Variants in CYP19A1 observed in about 807,000 individuals in gnomAD.
The protein encoded by CYP19A1 is cytochrome P450 family 19 subfamily A member 1, also known as aromatase.
A neutral mutation model predicts 44.4 loss-of-function variants in CYP19A1; 32 were observed. That is an observed-to-expected ratio of 0.72 (90% confidence interval 0.54 to 0.97). The LOEUF is 0.97. CYP19A1 is among the 50% of genes least tolerant of loss of function. The pLI is 0.00. For missense variants in CYP19A1, 598 were observed against 637.8 expected (o/e 0.94, Z 0.67); for synonymous variants, 212 against 215.6 (o/e 0.98, Z 0.14).
chr15:51,258,914 T>C (rs927289592), intron 1 of CYP19A1, among the ~76,000 whole-genome samples: 1 of 152,194 alleles, frequency 6.6e-6, no homozygotes, highest in African/African-American at 2.4e-5. Flanking sequence ...CCAAAGTGAA[T>C]GCCACTAATG....
chr15:51,278,431 C>T (rs867574923), intron 1 of CYP19A1, among the ~76,000 whole-genome samples: 3 of 152,238 alleles, frequency 2.0e-5, no homozygotes, highest in East Asian at 1.9e-4. Context: ...TTTGGCTCCT[C>T]GTAGGGGGTC....
chr15:51,303,156 T>C (rs1273260350), intron 1 of CYP19A1, among the ~76,000 whole-genome samples: 1 of 152,186 alleles, frequency 6.6e-6, no homozygotes, highest in African/African-American at 2.4e-5. Flanking sequence ...CAGGAGCCTT[T>C]GCACTAAATA....
rs2030823324 is a variant in CYP19A1, at chr15:51,210,460, G to T, written c.*348C>A. ...GACATAAAAATCCCCTTGGGTTGAG[G>T]CAGTAGAGCTCTACTGGGGAACCAG... On this transcript the variant is annotated 3_prime_UTR_variant, in exon 10 of 10. Coordinates refer to ENST00000396402, the MANE Select transcript of CYP19A1 (RefSeq NM_000103.4). 1 of 528,038 alleles carries T rather than the reference G, an allele frequency of 1.9e-6. No homozygotes were observed. The highest frequency in any genetic ancestry group is 3.7e-6 in the Non-Finnish European group (1 of 272,838). The allele number at this position is 528,038 out of a possible 1,614,324, so 32.7% of individuals were successfully genotyped here. A position where few individuals can be genotyped will look rare whatever the true frequency, so the allele number is the denominator to read the frequency against.
At chr15:51,231,130 C>T (rs1189551243) in intron 3 of CYP19A1, among the ~76,000 whole-genome samples, 1 of 152,188 alleles carries the variant, frequency 6.6e-6, no homozygotes, top group African/African-American at 2.4e-5. Flanking sequence ...GTGGGACAAC[C>T]TGTTACTCAT....
chr15:51,235,030 G>C (rs2141100792), intron 3 of CYP19A1, among the ~76,000 whole-genome samples: 1 of 152,292 alleles, frequency 6.6e-6, no homozygotes, highest in South Asian at 2.1e-4. Context: ...GCAGGTGGCT[G>C]TGCGGGGAAA....
intron 1 of CYP19A1, among the ~76,000 whole-genome samples, chr15:51,275,100 G>T (rs2035259556): frequency 1.3e-5 from 2 of 152,214 alleles, no homozygotes; most frequent in African/African-American, 4.8e-5. Context: ...TGTGGCCCGT[G>T]TCAGGGTGGG....
chr15:51,211,720 C>G (rs147697903), intron 9 of CYP19A1: 1 of 424,690 alleles, frequency 2.4e-6, no homozygotes, highest in Non-Finnish European at 4.7e-6. Context: ...GAACTGCGTA[C>G]GTAATTCAGA....
rs575576184 is a variant in CYP19A1 at position 51,208,331 on chromosome 15, A to T, written c.*2477T>A. 1 of 152,302 alleles carries T rather than the reference A, an allele frequency of 6.6e-6. No individual in the cohort carries two copies. The highest frequency in any genetic ancestry group is 2.1e-4 in the South Asian group (1 of 4,824). The allele number at this position is 152,302 out of a possible 1,614,324, so 9.4% of individuals were successfully genotyped here. On this transcript the variant is annotated 3_prime_UTR_variant, in exon 10 of 10. Transcript: ENST00000396402. ...GGGAAAATGGGATCTCAATGAAGGC[A>T]TGGGGGTGTCTAGCATGCCCAAAGA... is the stretch of plus-strand genomic sequence containing the variant.
At chr15:51,292,233 TCTC>T (rs1566914527) in intron 1 of CYP19A1, among the ~76,000 whole-genome samples, 1 of 152,182 alleles carries the variant, frequency 6.6e-6, no homozygotes, top group African/African-American at 2.4e-5. Flanking sequence ...AGAGAAATCA[TCTC>T]CAACTAGGGT....
intron 1 of CYP19A1, chr15:51,255,423 T>G (rs1289004447): frequency 6.6e-6 from 1 of 152,210 alleles, no homozygotes; most frequent in African/African-American, 2.4e-5. Flanking sequence ...GAACGGTCCC[T>G]TGTCTCTACA....
intron 1 of CYP19A1, chr15:51,280,019 C>T (rs1413429164): frequency 1.3e-5 from 2 of 152,150 alleles, no homozygotes; most frequent in African/African-American, 4.8e-5. Context: ...TGAACTGTTA[C>T]TCCATCCTAG....
rs546947161 is a variant in CYP19A1, at chr15:51,319,209, G to A, written c.-39+19286C>T. Reference sequence around the variant, plus strand: ...CCCTTAATCAGGCTGAAGTTGGAATGTGTTCACCCAATTTTATTACAACTA... The same window carrying A: ...CCCTTAATCAGGCTGAAGTTGGAATATGTTCACCCAATTTTATTACAACTA... On this transcript the variant is annotated intron_variant, in intron 1 of 9. Transcript: ENST00000396402. Among the ~76,000 whole-genome samples, 9 of 152,288 alleles carry A rather than the reference G, an allele frequency of 5.9e-5. 1 individual carries two copies. In the South Asian group the frequency reaches 8.3e-4, roughly 14 times the overall value.
At chr15:51,217,165 A>T (rs963669160) in intron 6 of CYP19A1, among the ~76,000 whole-genome samples, 1 of 152,212 alleles carries the variant, frequency 6.6e-6, no homozygotes, top group Non-Finnish European at 1.5e-5. Flanking sequence ...GAATGCTCAT[A>T]GCATTCCCAT....
chr15:51,335,376 C>A (rs1313838052), intron 1 of CYP19A1, among the ~76,000 whole-genome samples: 2 of 152,222 alleles, frequency 1.3e-5, no homozygotes, highest in African/African-American at 4.8e-5. Flanking sequence ...GAAGCAATAT[C>A]ATCTATTCTT....
At chr15:51,297,182 G>T (rs576109334) in intron 1 of CYP19A1, among the ~76,000 whole-genome samples, 21 of 152,128 alleles carry the variant, frequency 1.4e-4, no homozygotes, top group Admixed American at 4.6e-4. Context: ...AATTTATCTT[G>T]CCCACATTAT....
intron 1 of CYP19A1, among the ~76,000 whole-genome samples, chr15:51,272,584 C>T (rs2035166693): frequency 6.6e-6 from 1 of 152,182 alleles, no homozygotes; most frequent in Non-Finnish European, 1.5e-5. Flanking sequence ...CAGAACCTGG[C>T]ACAGAGAACT....
intron 4 of CYP19A1, among the ~76,000 whole-genome samples, chr15:51,227,278 A>G (rs945570647): frequency 2.1e-4 from 32 of 152,096 alleles, no homozygotes; most frequent in Non-Finnish European, 3.5e-4. Flanking sequence ...CATTTACCAC[A>G]TGGGGCTGCC....
intron 1 of CYP19A1, among the ~76,000 whole-genome samples, chr15:51,288,406 G>A (rs534048727): frequency 5.3e-5 from 8 of 152,274 alleles, no homozygotes; most frequent in African/African-American, 1.2e-4. Context: ...TGCTACTTGA[G>A]TCACAGCTTC....
chr15:51,333,053 T>C (rs2036725643), intron 1 of CYP19A1, among the ~76,000 whole-genome samples: 1 of 152,254 alleles, frequency 6.6e-6, no homozygotes, highest in African/African-American at 2.4e-5. Context: ...ACTGAATTTG[T>C]CTGCAGATCT....
Sources: allele counts gnomAD v4.1 joint callset (sites outside exome capture counted in the v4.1 genomes callset), GRCh38; gene constraint gnomAD v4.1.1; transcripts MANE v1.5; gene names NCBI Gene and HGNC (gene_info 2026-07-23, HGNC 2026-07-21).